DPYD: variants seen among roughly 807,000 people sequenced by gnomAD.
The protein encoded by DPYD is dihydropyrimidine dehydrogenase [NADP(+)].
In DPYD, 109 loss-of-function variants were observed where a neutral mutation model predicts 116.2. The observed-to-expected ratio is 0.94, with a 90% confidence interval of 0.80 to 1.10. The LOEUF (loss-of-function observed/expected upper bound fraction) is 1.10, where lower values mean the gene tolerates loss of function less well. Among genes scored for constraint, DPYD ranks in the 50% least tolerant of loss-of-function variants. The pLI, the probability that DPYD is intolerant of heterozygous loss-of-function variation, is 0.00. For synonymous variants in DPYD, 440 were observed against 432.0 expected, an observed-to-expected ratio of 1.02 and a Z score of -0.23; for missense variants, 1,302 against 1,254.5, an observed-to-expected ratio of 1.04 and a Z score of -0.57.
intron 2 of DPYD, among the ~76,000 whole-genome samples, chr1:97,875,644 T>C (rs1364621495): frequency 6.6e-6 from 1 of 152,012 alleles, no homozygotes; most frequent in Admixed American, 6.6e-5. Flanking sequence ...GATTTCTAGG[T>C]AGTCACATTT....
intron 3 of DPYD, among the ~76,000 whole-genome samples, chr1:97,814,067 C>T (rs1266337330): frequency 1.3e-5 from 2 of 152,068 alleles, no homozygotes; most frequent in African/African-American, 4.8e-5. Flanking sequence ...CTCTTTCATT[C>T]AATTTTTATT....
At chr1:97,748,352 T>TA (rs1296595130) in intron 3 of DPYD, among the ~76,000 whole-genome samples, 2 of 152,144 alleles carry the variant, frequency 1.3e-5, no homozygotes, top group African/African-American at 4.8e-5. Flanking sequence ...CTCACACCTG[T>TA]AATCCTAGCA....
At chr1:97,240,424 T>C (rs1662255382) in intron 18 of DPYD, among the ~76,000 whole-genome samples, 1 of 151,902 alleles carries the variant, frequency 6.6e-6, no homozygotes, top group Non-Finnish European at 1.5e-5. Context: ...AATAATTGAG[T>C]TTAATTCTGT....
At chr1:97,630,387 G>A (rs1168296762) in intron 8 of DPYD, among the ~76,000 whole-genome samples, 1 of 151,816 alleles carries the variant, frequency 6.6e-6, no homozygotes, top group Non-Finnish European at 1.5e-5. Flanking sequence ...TTAATTTGGT[G>A]TTGCTCTATT....
At chr1:97,428,178 T>C (rs1674982781) in intron 14 of DPYD, among the ~76,000 whole-genome samples, 1 of 152,062 alleles carries the variant, frequency 6.6e-6, no homozygotes, top group African/African-American at 2.4e-5. Context: ...AACCTCTTTG[T>C]TTATAGATGA....
intron 7 of DPYD, among the ~76,000 whole-genome samples, chr1:97,689,401 G>A (rs1170873862): frequency 6.6e-6 from 1 of 151,950 alleles, no homozygotes; most frequent in Non-Finnish European, 1.5e-5. Context: ...GCTCTACATG[G>A]TTCTAGTCCT....
intron 14 of DPYD, among the ~76,000 whole-genome samples, chr1:97,419,613 G>A (rs1370212480): frequency 2.6e-5 from 4 of 152,024 alleles, no homozygotes; most frequent in African/African-American, 4.8e-5. Context: ...CTGCCTCCAG[G>A]CCTTTTCCAC....
At chr1:97,698,191 G>T (rs938951208) in intron 6 of DPYD, among the ~76,000 whole-genome samples, 4 of 151,558 alleles carry the variant, frequency 2.6e-5, no homozygotes, top group African/African-American at 9.7e-5. Context: ...TAACAATCAG[G>T]TTATTTATGT....
Position 97,077,860 on chromosome 1 carries a change from C to T in DPYD, c.*1116G>A, listed in dbSNP as rs918326524. 6.6e-6 allele frequency: 1 copy of T among 151,988 alleles called. No homozygotes were observed. The highest frequency in any genetic ancestry group is 2.4e-5 in the African/African-American group (1 of 41,376). 9.4% of individuals were successfully genotyped at this position (151,988 alleles called of 1,614,324 possible). On this transcript the variant is annotated 3_prime_UTR_variant, in exon 23 of 23. Transcript: ENST00000370192. Reference sequence around the variant, plus strand: ...TTATTTTTCTAGCTCTTGAATTTGTCATAGAAATAAGCCATAGATTGTTAC... The same window carrying T: ...TTATTTTTCTAGCTCTTGAATTTGTTATAGAAATAAGCCATAGATTGTTAC...
At chr1:97,364,855 A>C (rs1406078552) in intron 16 of DPYD, among the ~76,000 whole-genome samples, 1 of 152,074 alleles carries the variant, frequency 6.6e-6, no homozygotes, top group African/African-American at 2.4e-5. Context: ...TTCTTGACTT[A>C]CCTTATCTCC....
rs111935258 is a variant in DPYD, at chr1:97,282,611, A to C, written c.2299+22648T>G. Among the ~76,000 whole-genome samples, 137 of 152,230 alleles carry C rather than the reference A, an allele frequency of 9.0e-4. 2 individuals carry two copies. The highest frequency in any genetic ancestry group is 3.1e-3 in the African/African-American group (128 of 41,558). ...CATTTATTTTAGGTTCAAGGGGTAC[A>C]TGTGCAGGTTTGTTACATGTATAAA... On this transcript the variant is annotated intron_variant, in intron 18 of 22. Transcript: ENST00000370192.
In DPYD at chr1:97,727,661, T is replaced by C. The variant is rs568759707; in HGVS notation, c.322-5990A>G. On this transcript the variant is annotated intron_variant, in intron 4 of 22. Coordinates refer to ENST00000370192, the MANE Select transcript of DPYD (RefSeq NM_000110.4). ...CCAATATTAAGCAATGATTCACAAG[T>C]CACCTTTGCAATCTATCTATTACAA... 5.9e-5 allele frequency among the ~76,000 whole-genome samples: 9 copies of C among 151,912 alleles called. No homozygotes were observed. In the East Asian group the frequency reaches 1.7e-3, roughly 29 times the overall value.
chr1:97,567,777 G>T (rs1208235855), intron 11 of DPYD, among the ~76,000 whole-genome samples: 1 of 151,850 alleles, frequency 6.6e-6, no homozygotes, highest in East Asian at 1.9e-4. Flanking sequence ...AAAAAAATGT[G>T]GTCCAATTTT....
intron 16 of DPYD, among the ~76,000 whole-genome samples, chr1:97,325,517 T>C (rs1668665266): frequency 6.6e-6 from 1 of 152,054 alleles, no homozygotes; most frequent in African/African-American, 2.4e-5. Context: ...CCTCTAACCA[T>C]GAAAGCTTTA....
intron 3 of DPYD, among the ~76,000 whole-genome samples, chr1:97,762,144 TC>T (rs1345519014): frequency 6.6e-6 from 1 of 152,004 alleles, no homozygotes; most frequent in Admixed American, 6.6e-5. Flanking sequence ...GCACATGGAC[TC>T]TTGAATCTAA....
intron 20 of DPYD, among the ~76,000 whole-genome samples, chr1:97,129,420 G>A (rs556532903): frequency 2.0e-5 from 3 of 152,028 alleles, no homozygotes; most frequent in Non-Finnish European, 4.4e-5. Context: ...ATTTTCAGTT[G>A]CCTCATATAT....
chr1:97,596,916 A>G (rs1654926504), intron 8 of DPYD, among the ~76,000 whole-genome samples: 1 of 152,194 alleles, frequency 6.6e-6, no homozygotes. Context: ...TAGGGGAGCC[A>G]CCTCACCTGC....
chr1:97,783,479 C>T (rs574910470), intron 3 of DPYD, among the ~76,000 whole-genome samples: 1 of 150,952 alleles, frequency 6.6e-6, no homozygotes, highest in Non-Finnish European at 1.5e-5. Flanking sequence ...ACTGCAACCT[C>T]CACCTCCTGG....
chr1:97,441,533 T>C (rs1675796579), intron 14 of DPYD, among the ~76,000 whole-genome samples: 1 of 152,174 alleles, frequency 6.6e-6, no homozygotes, highest in African/African-American at 2.4e-5. Flanking sequence ...ATTGTAGTTT[T>C]AATTTCTGGA....
Sources: gnomAD v4.1 joint callset for allele counts (sites outside exome capture counted in the v4.1 genomes callset) on GRCh38, gnomAD v4.1.1 for gene constraint, MANE v1.5 for transcripts, NCBI Gene and HGNC (gene_info 2026-07-23, HGNC 2026-07-21) for gene names.